The following PRKG1 variants were observed in gnomAD, a reference collection of about 807,000 sequenced individuals.
The protein encoded by PRKG1 is cGMP-dependent protein kinase 1.
A neutral mutation model predicts 88.1 loss-of-function variants in PRKG1; 35 were observed. The observed-to-expected ratio is 0.40, with a 90% CI of 0.30 to 0.53. The LOEUF (loss-of-function observed/expected upper bound fraction) is 0.53. Among genes scored for constraint, PRKG1 ranks in the 20% least tolerant of loss-of-function variants. PRKG1 has a pLI of 0.59. For missense variants in PRKG1, 540 were observed against 839.8 expected (o/e 0.64, Z 4.41); for synonymous variants, 303 against 292.5 (o/e 1.04, Z -0.37).
chr10:51,626,761 T>C (rs1198361595), intron 3 of PRKG1, among the ~76,000 whole-genome samples: 1 of 152,210 alleles, frequency 6.6e-6, no homozygotes, highest in Non-Finnish European at 1.5e-5. Flanking sequence ...GATTGGTCAG[T>C]GTTGAGATCA....
In PRKG1 at chr10:51,677,020, C is replaced by T. The variant is rs115643934; in HGVS notation, c.593-127565C>T. On this transcript the variant is annotated intron_variant, in intron 3 of 17. Transcript: ENST00000373980. Reference sequence around the variant, plus strand: ...CACCCATTTCAAGCCCCTAAAGCCCCCTGTATGTGCCCTCCCAATAATTAC... The same window carrying T: ...CACCCATTTCAAGCCCCTAAAGCCCTCTGTATGTGCCCTCCCAATAATTAC... 4.2e-3 allele frequency among the ~76,000 whole-genome samples: 634 copies of T among 152,246 alleles called. 3 individuals carry two copies. The highest frequency in any genetic ancestry group is 0.014 in the African/African-American group (582 of 41,540).
chr10:51,087,243 A>G (rs1844276180), intron 1 of PRKG1, among the ~76,000 whole-genome samples: 2 of 152,186 alleles, frequency 1.3e-5, no homozygotes, highest in South Asian at 4.1e-4. Context: ...ATAAAGTGAA[A>G]GTAGTAATTG....
chr10:51,696,619 G>A (rs1364873278), intron 3 of PRKG1: 1 of 151,892 alleles, frequency 6.6e-6, no homozygotes. Flanking sequence ...TGTAGGGTGG[G>A]ATAAGTGAAG....
chr10:51,872,390 A>G (rs1841180647), intron 4 of PRKG1, among the ~76,000 whole-genome samples: 1 of 152,206 alleles, frequency 6.6e-6, no homozygotes, highest in Non-Finnish European at 1.5e-5. Context: ...AGGAAATATT[A>G]AAATGGTAGC....
intron 7 of PRKG1, among the ~76,000 whole-genome samples, chr10:52,126,363 TA>T (rs1170417337): frequency 6.6e-6 from 1 of 152,226 alleles, no homozygotes; most frequent in Non-Finnish European, 1.5e-5. Flanking sequence ...GTGGATTTTC[TA>T]ATTTAATAAA....
intron 3 of PRKG1, among the ~76,000 whole-genome samples, chr10:51,562,540 A>T (rs980770802): frequency 1.4e-4 from 22 of 151,894 alleles, no homozygotes; most frequent in Admixed American, 3.3e-4. Context: ...CTCTTGTTAT[A>T]CTCCTGACCC....
chr10:51,738,826 G>A (rs973571371), intron 3 of PRKG1, among the ~76,000 whole-genome samples: 2 of 152,024 alleles, frequency 1.3e-5, no homozygotes, highest in African/African-American at 2.4e-5. Context: ...ATTTTTCATG[G>A]CACTCCCTGA....
At chr10:52,005,184 A>G (rs574324989) in intron 5 of PRKG1, among the ~76,000 whole-genome samples, 19 of 151,676 alleles carry the variant, frequency 1.3e-4, no homozygotes, top group African/African-American at 4.4e-4. Flanking sequence ...ATATATGACA[A>G]TGTGGCATTT....
intron 3 of PRKG1, among the ~76,000 whole-genome samples, chr10:51,594,912 A>G (rs1215670486): frequency 6.6e-6 from 1 of 152,210 alleles, no homozygotes; most frequent in Non-Finnish European, 1.5e-5. Context: ...GGGGAATTAT[A>G]AAATTTGGAT....
intron 4 of PRKG1, among the ~76,000 whole-genome samples, chr10:51,858,865 G>A (rs1840790093): frequency 6.6e-6 from 1 of 152,028 alleles, no homozygotes; most frequent in African/African-American, 2.4e-5. Flanking sequence ...TAATTCTAAT[G>A]GATTAGAGGG....
chr10:51,802,574 A>G (rs758621381), intron 3 of PRKG1, among the ~76,000 whole-genome samples: 4 of 152,166 alleles, frequency 2.6e-5, no homozygotes, highest in Non-Finnish European at 4.4e-5. Context: ...CATAAAGTTC[A>G]TTAACAAATT....
intron 9 of PRKG1, among the ~76,000 whole-genome samples, chr10:52,222,329 C>G (rs1006276043): frequency 5.9e-5 from 9 of 152,084 alleles, no homozygotes; most frequent in Admixed American, 2.6e-4. Flanking sequence ...TTTTAGTCTT[C>G]CAATAATGCA....
intron 4 of PRKG1, among the ~76,000 whole-genome samples, chr10:51,837,920 G>T (rs1357022268): frequency 1.3e-5 from 2 of 151,858 alleles, no homozygotes; most frequent in Non-Finnish European, 2.9e-5. Flanking sequence ...TTAAATATTG[G>T]GCTATCATAG....
At chr10:51,654,207 G>C (rs947568685) in intron 3 of PRKG1, among the ~76,000 whole-genome samples, 1 of 152,068 alleles carries the variant, frequency 6.6e-6, no homozygotes, top group African/African-American at 2.4e-5. Flanking sequence ...ATTTGTATAT[G>C]GTGTAAGACA....
At chr10:51,928,695 C>T (rs1842627696) in intron 5 of PRKG1, among the ~76,000 whole-genome samples, 2 of 152,118 alleles carry the variant, frequency 1.3e-5, no homozygotes, top group African/African-American at 4.8e-5. Context: ...AATGTGGCTC[C>T]CACACTGATT....
intron 2 of PRKG1, among the ~76,000 whole-genome samples, chr10:51,380,521 C>A (rs1419461384): frequency 3.9e-5 from 6 of 152,098 alleles, no homozygotes; most frequent in Non-Finnish European, 1.5e-5. Flanking sequence ...TGAAATAGGC[C>A]TGGTGCAGTG....
At chr10:52,096,067 C>T (rs957084644) in intron 7 of PRKG1, among the ~76,000 whole-genome samples, 3 of 152,078 alleles carry the variant, frequency 2.0e-5, no homozygotes, top group African/African-American at 7.2e-5. Flanking sequence ...GAGGGAGCAA[C>T]ATCTGTACTT....
intron 9 of PRKG1, among the ~76,000 whole-genome samples, chr10:52,233,697 A>T: frequency 7.0e-6 from 1 of 143,794 alleles, no homozygotes; most frequent in Non-Finnish European, 1.5e-5. Context: ...CTAGCACAGC[A>T]GTCTGAGATC....
At chr10:52,079,266 A>T (rs1281260767) in intron 7 of PRKG1, among the ~76,000 whole-genome samples, 1 of 152,074 alleles carries the variant, frequency 6.6e-6, no homozygotes, top group Non-Finnish European at 1.5e-5. Context: ...CTTGACCTGT[A>T]GTTCATTCTA....
Sources: gnomAD v4.1 joint callset for allele counts (sites outside exome capture counted in the v4.1 genomes callset) on GRCh38, gnomAD v4.1.1 for gene constraint, MANE v1.5 for transcripts, NCBI Gene and HGNC (gene_info 2026-07-23, HGNC 2026-07-21) for gene names.